DHRS12: variants seen among roughly 807,000 people sequenced by gnomAD.
DHRS12 encodes dehydrogenase/reductase SDR family member 12.
In DHRS12, 29 loss-of-function variants were observed where a neutral mutation model predicts 32.1. The ratio of observed to expected loss-of-function variants is 0.90; its 90% confidence interval spans 0.67 to 1.23. The LOEUF is 1.23. Ranked by LOEUF, DHRS12 falls within the 50% of genes most tolerant of loss-of-function variation. DHRS12 has a pLI of 0.00. For synonymous variants in DHRS12, 150 were observed against 135.9 expected (o/e 1.10, Z -0.72); for missense variants, 330 against 337.2 (o/e 0.98, Z 0.17).
chr13:51,787,922 AATAT>A (rs1955065072), intron 4 of DHRS12, among the ~76,000 whole-genome samples: 1 of 92,672 alleles, frequency 1.1e-5, no homozygotes, highest in Non-Finnish European at 2.1e-5. Context: ...AATTATATAT[AATAT>A]ATACTTATAT....
intron 2 of DHRS12, among the ~76,000 whole-genome samples, chr13:51,795,498 T>C (rs1955473649): frequency 6.6e-6 from 1 of 152,236 alleles, no homozygotes; most frequent in Non-Finnish European, 1.5e-5. Context: ...GCCCTTATCA[T>C]GTTATTTCAG....
At chr13:51,770,019 T>TTC (rs1265500489) in intron 7 of DHRS12, among the ~76,000 whole-genome samples, 6 of 152,144 alleles carry the variant, frequency 3.9e-5, no homozygotes, top group African/African-American at 1.2e-4. Context: ...AACAAAATAG[T>TTC]TCTCTCTCGA....
the DHRS12 span, among the ~76,000 whole-genome samples, chr13:51,757,588 A>G: frequency 6.6e-6 from 1 of 151,758 alleles, no homozygotes; most frequent in Non-Finnish European, 1.5e-5. Flanking sequence ...CTGTGGAAGC[A>G]CTTGCATTGC....
intron 2 of DHRS12, chr13:51,797,959 A>T: frequency 1.3e-6 from 2 of 1,501,110 alleles, no homozygotes; most frequent in Non-Finnish European, 1.8e-6. Flanking sequence ...AGCTACAGAA[A>T]CCAGCTCTTC....
intron 4 of DHRS12, among the ~76,000 whole-genome samples, chr13:51,788,307 T>C (rs1015866066): frequency 2.0e-5 from 3 of 152,086 alleles, no homozygotes. Context: ...TTTGGTACTT[T>C]TGGTCATTTC....
At chr13:51,759,930 C>T in the DHRS12 span, 1 of 661,480 alleles carries the variant, frequency 1.5e-6, no homozygotes, top group Non-Finnish European at 2.6e-6. Context: ...GGGACCTGGC[C>T]AGTGAGCACT....
At chr13:51,755,013 T>C in the DHRS12 span, among the ~76,000 whole-genome samples, 2 of 152,200 alleles carry the variant, frequency 1.3e-5, no homozygotes, top group African/African-American at 2.4e-5. Flanking sequence ...GTCTCAGTTG[T>C]CTTATTTGTC....
chr13:51,773,830 T>C, intron 6 of DHRS12, 100 bp downstream of exon 6: 1 of 990,028 alleles, frequency 1.0e-6, no homozygotes, highest in Non-Finnish European at 1.6e-6. Context: ...CATGAACTAC[T>C]AAGGTCCGAT....
intron 4 of DHRS12, among the ~76,000 whole-genome samples, chr13:51,778,001 T>C (rs968626510): frequency 6.6e-6 from 1 of 152,198 alleles, no homozygotes; most frequent in East Asian, 1.9e-4. Flanking sequence ...GGCTATGCCA[T>C]GGAGTCTCTG....
intron 4 of DHRS12, among the ~76,000 whole-genome samples, chr13:51,788,735 C>T (rs1404904198): frequency 6.6e-6 from 1 of 151,996 alleles, no homozygotes; most frequent in Non-Finnish European, 1.5e-5. Context: ...GTGGTACATG[C>T]CGTAGTCCTA....
At chr13:51,780,467 C>G (rs1490252917) in intron 4 of DHRS12, among the ~76,000 whole-genome samples, 1 of 152,150 alleles carries the variant, frequency 6.6e-6, no homozygotes, top group Non-Finnish European at 1.5e-5. Flanking sequence ...CAAGGTTAGT[C>G]CTGCTCCCAG....
intron 2 of DHRS12, among the ~76,000 whole-genome samples, chr13:51,791,790 T>C (rs1370068996): frequency 6.6e-6 from 1 of 152,184 alleles, no homozygotes; most frequent in Non-Finnish European, 1.5e-5. Context: ...CAACCACCAT[T>C]CCACTCTTTG....
the DHRS12 span, among the ~76,000 whole-genome samples, chr13:51,757,475 T>G: frequency 6.6e-5 from 10 of 151,856 alleles, no homozygotes; most frequent in African/African-American, 2.2e-4. Flanking sequence ...AAAATTGTCC[T>G]GAGAGCCCAC....
In DHRS12 at chr13:51,782,463, T is replaced by A. The variant is rs1403263658; in HGVS notation, c.302-5342A>T. ...TGGGAGCACGGACAGCTGTGCCCAG[T>A]GCTGCCCATGGATGTGGTAGAGGTG... On this transcript the variant is annotated intron_variant, in intron 4 of 8. Transcript: ENST00000444610. The surrounding 1 kb of genome is among the most constrained non-coding windows in gnomAD (Gnocchi z 4.2). Among the ~76,000 whole-genome samples, 1 of 152,182 alleles carries A rather than the reference T, an allele frequency of 6.6e-6. No homozygotes were observed. The highest frequency in any genetic ancestry group is 6.5e-5 in the Admixed American group (1 of 15,286).
intron 4 of DHRS12, among the ~76,000 whole-genome samples, chr13:51,778,909 G>A (rs1185560216): frequency 6.6e-6 from 1 of 152,070 alleles, no homozygotes; most frequent in Admixed American, 6.5e-5. Flanking sequence ...GCATACATAT[G>A]TGTGTACACA....
rs752388170 is a variant in DHRS12 at position 51,777,056 on chromosome 13, T to C, written c.363+4A>G. ...CCTCAAAACATCCCATAAGGTCAAC[T>C]CACCACTCGGGGGTCGTGTTCTTTC... On this transcript the variant is annotated splice_donor_region_variant and intron_variant, in intron 5 of 8. Transcript: ENST00000444610. 1.5e-5 allele frequency: 24 copies of C among 1,613,930 alleles called. No homozygotes were observed. Among genetic ancestry groups the C allele is most frequent in the African/African-American group, 1.3e-5 (1 of 74,916 alleles).
chr13:51,775,749 C>T (rs1330806142), intron 5 of DHRS12: 5 of 9,306 alleles, frequency 5.4e-4, no homozygotes, highest in African/African-American at 2.5e-3. Context: ...TATTCTCCTA[C>T]ATGTATTCTA....
At chr13:51,768,701 A>G in intron 8 of DHRS12, 1 of 1,125,792 alleles carries the variant, frequency 8.9e-7, no homozygotes, top group Non-Finnish European at 1.1e-6. Context: ...GATGGCGTCC[A>G]CTCACACGCC....
Position 51,791,270 on chromosome 13 carries a change from G to GC in DHRS12, c.127-14dup. 4 of 1,097,032 alleles carry GC rather than the reference G, an allele frequency of 3.6e-6. No individual in the cohort carries two copies. Among genetic ancestry groups the GC allele is most frequent in the Non-Finnish European group, 4.8e-6 (4 of 836,032 alleles). 68.0% of individuals were successfully genotyped at this position (1,097,032 alleles called of 1,614,324 possible). On this transcript the variant is annotated splice_polypyrimidine_tract_variant and intron_variant, in intron 2 of 8. Transcript: ENST00000444610. ...GCAGAAAAATGTTCTAAATTAGAAA[G>GC]CAAAAAAAAAAAAAACCCTTTTTAA...
Sources: allele counts gnomAD v4.1 joint callset (sites outside exome capture counted in the v4.1 genomes callset), GRCh38; gene constraint gnomAD v4.1.1; non-coding constraint Gnocchi (gnomAD v3.1); transcripts MANE v1.5; gene names NCBI Gene and HGNC (gene_info 2026-07-23, HGNC 2026-07-21).